RNF141: variants seen among roughly 807,000 people sequenced by gnomAD.
The protein encoded by RNF141 is ring finger protein 141, also known as C3HC4-like zinc finger protein.
RNF141 carries 18 observed loss-of-function variants against 27.4 expected under a neutral mutation model. That is an observed-to-expected ratio of 0.66 (90% confidence interval 0.45 to 0.97). The LOEUF is 0.97. RNF141 is among the 50% of genes least tolerant of loss of function. The probability of loss-of-function intolerance (pLI) is 0.00; values close to 1 mark genes in which losing one functional copy is unlikely to be tolerated. For synonymous variants in RNF141, 97 were observed against 96.6 expected (o/e 1.00, Z -0.02); for missense variants, 230 against 279.4 (o/e 0.82, Z 1.26).
At chr11:10,537,121 T>C (rs924764625) in intron 1 of RNF141, among the ~76,000 whole-genome samples, 2 of 152,188 alleles carry the variant, frequency 1.3e-5, no homozygotes, top group Non-Finnish European at 2.9e-5. Flanking sequence ...GTATAGTAAG[T>C]ATAAATTAGA....
intron 5 of RNF141, chr11:10,516,372 A>T (rs1395110776): frequency 7.9e-5 from 12 of 152,202 alleles, no homozygotes; most frequent in Middle Eastern, 3.2e-3. Flanking sequence ...GGGACATGGG[A>T]GTCAAAGAAG....
At position 10,525,272 on chromosome 11, in the gene RNF141, C is replaced by T; in HGVS notation, c.354G>A (p.Leu118=). The T allele has an allele frequency of 6.2e-7, 1 of 1,613,120 alleles. No homozygotes were observed. Among genetic ancestry groups the T allele is most frequent in the Non-Finnish European group, 8.5e-7 (1 of 1,179,352 alleles). ...GTTCTTCAGAGGTGGAGCTCTGTGC[C>T]AATACTCCTGCTGCTTGACTTGTGA... ...KDITSQAAGV[L]AQSSTSEEPD... is the part of the protein sequence containing the mutation. Residue 118 remains leucine (L), a synonymous_variant, in exon 4 of 6, where the codon TTG becomes TTA. Transcript: ENST00000265981.
Position 10,514,787 on chromosome 11 carries a change from G to A in RNF141, c.*129C>T. ...TTTTTAAAAGGGGGACAAATGATCA[G>A]AATAGCAAAAATAAAAGAGTGGGGA... On this transcript the variant is annotated 3_prime_UTR_variant, in exon 6 of 6. Transcript: ENST00000265981. The A allele has an allele frequency of 3.5e-6, 3 of 859,800 alleles. No homozygotes were observed. Among genetic ancestry groups the A allele is most frequent in the Non-Finnish European group, 5.1e-6 (3 of 592,304 alleles). The allele number at this position is 859,800 out of a possible 1,614,324, so 53.3% of individuals were successfully genotyped here.
chr11:10,514,402 C>G lies in RNF141; in HGVS notation c.*514G>C, dbSNP rs1564864551. 6.6e-6 allele frequency: 1 copy of G among 152,370 alleles called. No individual in the cohort carries two copies. Among genetic ancestry groups the G allele is most frequent in the African/African-American group, 2.4e-5 (1 of 41,206 alleles). The allele number at this position is 152,370 out of a possible 1,614,324, so 9.4% of individuals were successfully genotyped here. On this transcript the variant is annotated 3_prime_UTR_variant, in exon 6 of 6. Coordinates refer to ENST00000265981, the MANE Select transcript of RNF141 (RefSeq NM_016422.4). Reference sequence around the variant, plus strand: ...AAATTATTAAAGGAGCAATAATTAACCACAAGGGGGCATATATATATATAC... The same window carrying G: ...AAATTATTAAAGGAGCAATAATTAAGCACAAGGGGGCATATATATATATAC...
chr11:10,517,131 A>C (rs1474322011), intron 5 of RNF141: 5 of 152,276 alleles, frequency 3.3e-5, no homozygotes, highest in African/African-American at 1.2e-4. Context: ...TATATTCTAT[A>C]TAGTTAAAAA....
chr11:10,527,057 A>G (rs1033388069), intron 3 of RNF141, among the ~76,000 whole-genome samples: 3 of 152,258 alleles, frequency 2.0e-5, no homozygotes, highest in Admixed American at 6.5e-5. Context: ...GGAATAATCC[A>G]TATAAGGTCA....
intron 1 of RNF141, among the ~76,000 whole-genome samples, chr11:10,539,257 C>T (rs931095914): frequency 1.2e-4 from 18 of 152,002 alleles, no homozygotes; most frequent in African/African-American, 4.3e-4. Context: ...CTCAAAAACT[C>T]CTAAAAATTT....
chr11:10,516,379 G>A (rs1042392037), intron 5 of RNF141: 2 of 152,236 alleles, frequency 1.3e-5, no homozygotes, highest in Non-Finnish European at 2.9e-5. Flanking sequence ...GGGAGTCAAA[G>A]AAGGTGAGAC....
chr11:10,532,825 A>G (rs1477303060), intron 2 of RNF141, among the ~76,000 whole-genome samples: 1 of 152,212 alleles, frequency 6.6e-6, no homozygotes, highest in Admixed American at 6.5e-5. Flanking sequence ...GTAAGTTTAT[A>G]TACTAAGTGG....
chr11:10,528,103 AT>A (rs1281667701), intron 3 of RNF141, among the ~76,000 whole-genome samples: 2 of 152,118 alleles, frequency 1.3e-5, no homozygotes, highest in African/African-American at 4.8e-5. Context: ...AATTTAGATC[AT>A]TTTTTATAGT....
intron 1 of RNF141, among the ~76,000 whole-genome samples, chr11:10,535,238 C>A (rs1306502417): frequency 6.6e-6 from 1 of 151,280 alleles, no homozygotes; most frequent in East Asian, 1.9e-4. Context: ...ATATATATAA[C>A]TTTATGAAGT....
intron 1 of RNF141, among the ~76,000 whole-genome samples, chr11:10,536,173 C>T (rs1016531040): frequency 6.6e-6 from 1 of 151,914 alleles, no homozygotes; most frequent in African/African-American, 2.4e-5. Flanking sequence ...GAAGAAGTCC[C>T]TGGGCAAACA....
intron 3 of RNF141, among the ~76,000 whole-genome samples, chr11:10,525,966 T>A (rs1041344305): frequency 6.6e-6 from 1 of 152,142 alleles, no homozygotes. Context: ...CCTTTACAGG[T>A]TGTACCTCTC....
At chr11:10,533,118 T>C (rs1395379134) in intron 2 of RNF141, among the ~76,000 whole-genome samples, 2 of 152,188 alleles carry the variant, frequency 1.3e-5, no homozygotes, top group Admixed American at 6.5e-5. Flanking sequence ...TTAGAAGATA[T>C]ACATAAATAA....
Position 10,512,837 on chromosome 11 carries a change from A to G in RNF141, c.*2079T>C, listed in dbSNP as rs944653253. On this transcript the variant is annotated 3_prime_UTR_variant, in exon 6 of 6. Coordinates refer to ENST00000265981, the MANE Select transcript of RNF141 (RefSeq NM_016422.4). ...AATTCAAACATGCTGGATATCACCA[A>G]TGCATTAATGTTTTTATTCATTGAC... is the stretch of plus-strand genomic sequence containing the variant. 4.6e-5 allele frequency: 7 copies of G among 152,170 alleles called. No homozygotes were observed. Among genetic ancestry groups the G allele is most frequent in the African/African-American group, 1.4e-4 (6 of 41,450 alleles). The allele number at this position is 152,170 out of a possible 1,614,324, so 9.4% of individuals were successfully genotyped here. A position where few individuals can be genotyped will look rare whatever the true frequency, so the allele number is the denominator to read the frequency against.
chr11:10,527,549 G>T (rs929553170), intron 3 of RNF141, among the ~76,000 whole-genome samples: 3 of 152,166 alleles, frequency 2.0e-5, no homozygotes, highest in African/African-American at 7.2e-5. Context: ...ACAGAGGAAG[G>T]AGTGGTAGAT....
rs1338524765 is a variant in RNF141 at position 10,512,032 on chromosome 11, T to C, written c.*2884A>G. 6.6e-6 allele frequency: 1 copy of C among 152,602 alleles called. No individual in the cohort carries two copies. Among genetic ancestry groups the C allele is most frequent in the East Asian group, 1.9e-4 (1 of 5,198 alleles). The allele number at this position is 152,602 out of a possible 1,614,324, so 9.5% of individuals were successfully genotyped here. Reference sequence around the variant, plus strand: ...CCTCTAAATTCAGTACATAGTAAAATTCATTTTCTCAAACTAAGGTTCTAT... The same window carrying C: ...CCTCTAAATTCAGTACATAGTAAAACTCATTTTCTCAAACTAAGGTTCTAT... On this transcript the variant is annotated 3_prime_UTR_variant, in exon 6 of 6. Coordinates refer to ENST00000265981, the MANE Select transcript of RNF141 (RefSeq NM_016422.4).
At chr11:10,539,765 A>T (rs920924835) in intron 1 of RNF141, among the ~76,000 whole-genome samples, 2 of 140,856 alleles carry the variant, frequency 1.4e-5, no homozygotes, top group Admixed American at 1.5e-4. Flanking sequence ...AAGAATATGG[A>T]TTTCTCACAG....
intron 3 of RNF141, among the ~76,000 whole-genome samples, chr11:10,528,965 C>T (rs778233977): frequency 4.6e-5 from 7 of 152,090 alleles, no homozygotes; most frequent in Non-Finnish European, 8.8e-5. Context: ...CAAGAGAACT[C>T]CTATTCAGGA....
Sources: allele counts gnomAD v4.1 joint callset (sites outside exome capture counted in the v4.1 genomes callset), GRCh38; gene constraint gnomAD v4.1.1; transcripts MANE v1.5; gene names NCBI Gene and HGNC (gene_info 2026-07-23, HGNC 2026-07-21).